Variants in SIPA1L3 observed in about 807,000 individuals in gnomAD.
The protein encoded by SIPA1L3 is signal induced proliferation associated 1 like 3.
In SIPA1L3, 59 loss-of-function variants were observed where a neutral mutation model predicts 150.1. That is an observed-to-expected ratio of 0.39 (90% CI 0.32 to 0.49). The LOEUF is 0.49. Among genes scored for constraint, SIPA1L3 ranks in the 20% least tolerant of loss-of-function variants. SIPA1L3 has a pLI of 0.86. For synonymous variants in SIPA1L3, 1,070 were observed against 1,077.6 expected, an observed-to-expected ratio of 0.99 and a Z score of 0.14; for missense variants, 2,211 against 2,489.5, an observed-to-expected ratio of 0.89 and a Z score of 2.38.
At chr19:38,033,244 C>T (rs894732933) in intron 2 of SIPA1L3, among the ~76,000 whole-genome samples, 2 of 152,208 alleles carry the variant, frequency 1.3e-5, no homozygotes, top group African/African-American at 4.8e-5. Flanking sequence ...TCCATTGAAC[C>T]CAAATTATGC....
intron 1 of SIPA1L3, among the ~76,000 whole-genome samples, chr19:37,930,761 G>A (rs2145498866): frequency 6.6e-6 from 1 of 152,220 alleles, no homozygotes; most frequent in Non-Finnish European, 1.5e-5. Flanking sequence ...AGCTGGTAAT[G>A]GTACTGTCCT....
At chr19:38,030,623 A>AATACATATATATATATATAT (rs1250170240) in intron 2 of SIPA1L3, among the ~76,000 whole-genome samples, 6,354 of 41,122 alleles carry the variant, frequency 0.15, 677 homozygotes, top group African/African-American at 0.18. Context: ...ATATGTGGCA[A>AATACATATATATATATATAT]ATATATATAT....
At chr19:38,140,396 G>A (rs1417996342) in intron 10 of SIPA1L3, among the ~76,000 whole-genome samples, 1 of 90,252 alleles carries the variant, frequency 1.1e-5, no homozygotes, top group Non-Finnish European at 2.1e-5. Context: ...AGATTTCATG[G>A]CTTTTTTTTT....
At chr19:37,944,435 T>G (rs2046691163) in intron 1 of SIPA1L3, among the ~76,000 whole-genome samples, 2 of 152,180 alleles carry the variant, frequency 1.3e-5, no homozygotes, top group Non-Finnish European at 2.9e-5. Context: ...TGGGTTCAAG[T>G]CCTAGTATTG....
chr19:38,153,736 C>T (rs1971880444), intron 13 of SIPA1L3, among the ~76,000 whole-genome samples: 1 of 151,046 alleles, frequency 6.6e-6, no homozygotes, highest in African/African-American at 2.4e-5. Context: ...GAATTCAAGA[C>T]CAGCCTGGCC....
At chr19:37,984,152 G>A (rs554200609) in intron 1 of SIPA1L3, among the ~76,000 whole-genome samples, 5 of 152,298 alleles carry the variant, frequency 3.3e-5, no homozygotes, top group South Asian at 4.1e-4. Context: ...TGAGCCCTGC[G>A]CAGGGCGGGG....
chr19:37,929,749 G>A (rs75389086), intron 1 of SIPA1L3, among the ~76,000 whole-genome samples: 1 of 152,160 alleles, frequency 6.6e-6, no homozygotes, highest in Non-Finnish European at 1.5e-5. Context: ...TGCCAGTCAA[G>A]TGCTTACCCC....
intron 4 of SIPA1L3, among the ~76,000 whole-genome samples, chr19:38,090,467 A>G (rs1167299796): frequency 6.6e-6 from 1 of 152,078 alleles, no homozygotes; most frequent in East Asian, 1.9e-4. Flanking sequence ...AGCATGTGTT[A>G]CCCACCTTGG....
Position 38,177,278 on chromosome 19 carries a change from G to A in SIPA1L3, c.4209-5241G>A, listed in dbSNP as rs866124753. On this transcript the variant is annotated intron_variant, in intron 15 of 21. Coordinates refer to ENST00000222345, the MANE Select transcript of SIPA1L3 (RefSeq NM_015073.3). ...CAGGAGGCTGAGGCAGGAGAATGAC[G>A]TGAACCTGGGAAGCGGAGGTTGCAG... Among the ~76,000 whole-genome samples, 12 of 148,736 alleles carry A rather than the reference G, an allele frequency of 8.1e-5. No individual in the cohort carries two copies. In the South Asian group the frequency reaches 1.5e-3, roughly 19 times the overall value.
intron 8 of SIPA1L3, 92 bp from the exon 9 acceptor site, chr19:38,119,210 CAAAA>C: frequency 8.0e-7 from 1 of 1,245,848 alleles, no homozygotes; most frequent in Non-Finnish European, 1.1e-6. Context: ...AACAAACAAA[CAAAA>C]AACCCTATTC....
intron 1 of SIPA1L3, among the ~76,000 whole-genome samples, chr19:37,930,100 C>T (rs572342364): frequency 6.7e-6 from 1 of 150,220 alleles, no homozygotes; most frequent in East Asian, 2.0e-4. Flanking sequence ...TCTCGGCTCA[C>T]TGCAACCTCT....
intron 2 of SIPA1L3, among the ~76,000 whole-genome samples, chr19:38,078,142 G>A (rs1020815387): frequency 1.3e-5 from 2 of 152,156 alleles, no homozygotes; most frequent in African/African-American, 4.8e-5. Flanking sequence ...GTCTCCCTTA[G>A]GCAACTCGAC....
chr19:38,039,384 A>G (rs1439022025), intron 2 of SIPA1L3, among the ~76,000 whole-genome samples: 1 of 23,724 alleles, frequency 4.2e-5, no homozygotes, highest in African/African-American at 1.6e-4. Flanking sequence ...AAAGTTTGCC[A>G]GCGGGGGGTG....
At chr19:38,007,914 T>C (rs80015005) in intron 1 of SIPA1L3, among the ~76,000 whole-genome samples, 4,967 of 152,214 alleles carry the variant, frequency 0.033, 268 homozygotes, top group African/African-American at 0.11. Context: ...TGATGTTCTA[T>C]ATTTGCTTTC....
intron 15 of SIPA1L3, among the ~76,000 whole-genome samples, chr19:38,166,067 A>G (rs1017853726): frequency 6.6e-6 from 1 of 152,132 alleles, no homozygotes; most frequent in Admixed American, 6.5e-5. Flanking sequence ...CCGGCTGAGA[A>G]TATGCATTAA....
chr19:38,075,327 A>G (rs1969814543), intron 2 of SIPA1L3, among the ~76,000 whole-genome samples: 1 of 152,060 alleles, frequency 6.6e-6, no homozygotes, highest in Non-Finnish European at 1.5e-5. Context: ...GTGGTGGCAC[A>G]TGCCTGTAAT....
intron 1 of SIPA1L3, chr19:37,964,281 T>G (rs1209426895): frequency 6.6e-6 from 1 of 152,056 alleles, no homozygotes; most frequent in Non-Finnish European, 1.5e-5. Flanking sequence ...TGCATGCCTG[T>G]GGTCTGAGGC....
chr19:38,074,002 G>A (rs1028905097), intron 2 of SIPA1L3, among the ~76,000 whole-genome samples: 3 of 152,184 alleles, frequency 2.0e-5, no homozygotes, highest in African/African-American at 4.8e-5. Context: ...TCCATAACCC[G>A]TCCATGACAC....
intron 1 of SIPA1L3, among the ~76,000 whole-genome samples, chr19:37,957,925 G>T (rs965744316): frequency 5.3e-5 from 8 of 151,792 alleles, no homozygotes; most frequent in Admixed American, 4.6e-4. Flanking sequence ...TGTTGCCCAG[G>T]CTGGTCTTGA....
Sources: allele counts gnomAD v4.1 joint callset (sites outside exome capture counted in the v4.1 genomes callset), GRCh38; gene constraint gnomAD v4.1.1; transcripts MANE v1.5; gene names NCBI Gene and HGNC (gene_info 2026-07-23, HGNC 2026-07-21).